OR51B5: variants seen among roughly 807,000 people sequenced by gnomAD.
The protein encoded by OR51B5 is olfactory receptor 51B5.
For missense variants in OR51B5, 456 were observed against 374.6 expected, an observed-to-expected ratio of 1.22 and a Z score of -1.79; for synonymous variants, 186 against 144.8, an observed-to-expected ratio of 1.28 and a Z score of -2.04.
At chr11:5,497,244 G>T (rs1851663979) in intron 1 of OR51B5, among the ~76,000 whole-genome samples, 1 of 152,022 alleles carries the variant, frequency 6.6e-6, no homozygotes, top group South Asian at 2.1e-4. Context: ...GACCAACATG[G>T]TAAAAGCCCG....
intron 1 of OR51B5, among the ~76,000 whole-genome samples, chr11:5,426,480 C>T (rs1427475240): frequency 6.6e-6 from 1 of 151,954 alleles, no homozygotes; most frequent in East Asian, 1.9e-4. Flanking sequence ...GAAATAATTC[C>T]GGGGAAGGGG....
At chr11:5,351,600 A>G in intron 1 of OR51B5, 1 of 1,614,100 alleles carries the variant, frequency 6.2e-7, no homozygotes, top group South Asian at 1.1e-5. Context: ...CATTATTGGC[A>G]GCCTACATCT....
intron 1 of OR51B5, among the ~76,000 whole-genome samples, chr11:5,446,041 T>G (rs528280599): frequency 6.6e-6 from 1 of 151,776 alleles, no homozygotes. Flanking sequence ...CACTCATAGG[T>G]GGGAATTGAA....
chr11:5,427,897 TTTTAAA>T (rs1434403683), intron 1 of OR51B5, among the ~76,000 whole-genome samples: 2 of 152,170 alleles, frequency 1.3e-5, no homozygotes, highest in Admixed American at 6.5e-5. Flanking sequence ...ATTAAAATAG[TTTTAAA>T]TATAAATATA....
At chr11:5,410,473 A>G (rs1850130152) in intron 1 of OR51B5, among the ~76,000 whole-genome samples, 1 of 152,212 alleles carries the variant, frequency 6.6e-6, no homozygotes, top group African/African-American at 2.4e-5. Context: ...CATGTTTCAC[A>G]TAATGACTTT....
intron 1 of OR51B5, among the ~76,000 whole-genome samples, chr11:5,393,860 C>G (rs150934583): frequency 7.9e-5 from 12 of 152,234 alleles, no homozygotes; most frequent in Non-Finnish European, 1.3e-4. Flanking sequence ...TCAAGCGCAT[C>G]TGATTTTCTT....
chr11:5,355,885 G>T (rs140163402), intron 1 of OR51B5, among the ~76,000 whole-genome samples: 1 of 152,256 alleles, frequency 6.6e-6, no homozygotes, highest in East Asian at 1.9e-4. Flanking sequence ...CAAGGTCCTG[G>T]AAGTTCTTTT....
intron 1 of OR51B5, chr11:5,489,186 C>T (rs752111440): frequency 1.9e-6 from 3 of 1,612,182 alleles, no homozygotes; most frequent in Admixed American, 1.7e-5. Context: ...CTATTGTCTC[C>T]CCCTTCATCT....
At chr11:5,384,676 G>A (rs552442682) in intron 1 of OR51B5, among the ~76,000 whole-genome samples, 3 of 152,116 alleles carry the variant, frequency 2.0e-5, no homozygotes, top group Non-Finnish European at 4.4e-5. Context: ...ACTCTCATCA[G>A]AAAAACAGTC....
At chr11:5,411,067 A>G (rs568049342) in intron 1 of OR51B5, among the ~76,000 whole-genome samples, 1 of 152,328 alleles carries the variant, frequency 6.6e-6, no homozygotes, top group African/African-American at 2.4e-5. Flanking sequence ...CTAAATGTCC[A>G]GTGTTTATAA....
chr11:5,480,737 G>T, intron 1 of OR51B5, among the ~76,000 whole-genome samples: 1 of 150,192 alleles, frequency 6.7e-6, no homozygotes, highest in Middle Eastern at 3.4e-3. Context: ...CACCTCTATG[G>T]AAATAAACTA....
chr11:5,387,603 C>A (rs1461513049), intron 1 of OR51B5, among the ~76,000 whole-genome samples: 1 of 152,196 alleles, frequency 6.6e-6, no homozygotes, highest in Non-Finnish European at 1.5e-5. Flanking sequence ...GCTGCTACTT[C>A]AAGTGGATTT....
At chr11:5,471,147 A>G (rs1255283618) in intron 1 of OR51B5, among the ~76,000 whole-genome samples, 2 of 152,182 alleles carry the variant, frequency 1.3e-5, no homozygotes, top group Non-Finnish European at 2.9e-5. Context: ...TTCTTATCAC[A>G]GCTTAAATTT....
intron 1 of OR51B5, among the ~76,000 whole-genome samples, chr11:5,388,414 G>A (rs1190535049): frequency 6.6e-6 from 1 of 151,504 alleles, no homozygotes; most frequent in East Asian, 1.9e-4. Flanking sequence ...AAGGCCTTCT[G>A]AAGGACATCA....
chr11:5,477,966 G>A (rs1412668467), intron 1 of OR51B5, among the ~76,000 whole-genome samples: 2 of 151,872 alleles, frequency 1.3e-5, no homozygotes, highest in African/African-American at 4.8e-5. Flanking sequence ...GCTTGCTTAG[G>A]TAAACAAAGC....
chr11:5,488,431 G>T (rs918100079), intron 1 of OR51B5, among the ~76,000 whole-genome samples: 2 of 152,086 alleles, frequency 1.3e-5, no homozygotes, highest in Non-Finnish European at 2.9e-5. Context: ...AGTCTGGAAA[G>T]GTCAGTTTGA....
chr11:5,504,424 C>T (rs10500645), intron 1 of OR51B5, among the ~76,000 whole-genome samples: 23,117 of 152,156 alleles, frequency 0.15, 2,222 homozygotes, highest in East Asian at 0.39. Context: ...ATGACCAAAA[C>T]TCTGTGACTC....
intron 1 of OR51B5, among the ~76,000 whole-genome samples, chr11:5,433,727 G>A (rs897985619): frequency 2.4e-4 from 36 of 152,048 alleles, no homozygotes; most frequent in African/African-American, 8.0e-4. Flanking sequence ...AGTTACTTGG[G>A]AAGCTGAAGC....
chr11:5,454,446 G>C (rs761256414), intron 1 of OR51B5: 14 of 1,581,864 alleles, frequency 8.9e-6, no homozygotes, highest in South Asian at 1.1e-5. Context: ...CTTGGCTTTA[G>C]AATCTGTTAT....
Sources: allele counts gnomAD v4.1 joint callset (sites outside exome capture counted in the v4.1 genomes callset), GRCh38; gene constraint gnomAD v4.1.1; transcripts MANE v1.5; gene names NCBI Gene and HGNC (gene_info 2026-07-23, HGNC 2026-07-21).